ADAMTS20: variants seen among roughly 807,000 people sequenced by gnomAD.
ADAMTS20 encodes the protein A disintegrin and metalloproteinase with thrombospondin motifs 20.
Under a neutral mutation model 260.1 loss-of-function variants are expected in ADAMTS20, and 225 were observed. That is an observed-to-expected ratio of 0.87 (90% CI 0.78 to 0.97). The LOEUF (loss-of-function observed/expected upper bound fraction) is 0.97, where lower values mean the gene tolerates loss of function less well. Ranked by LOEUF, ADAMTS20 falls within the 50% of genes least tolerant of loss-of-function variation. The pLI, the probability that ADAMTS20 is intolerant of heterozygous loss-of-function variation, is 0.00. For synonymous variants in ADAMTS20, 802 were observed against 769.5 expected (o/e 1.04, Z -0.70); for missense variants, 2,400 against 2,337.7 (o/e 1.03, Z -0.55).
intron 3 of ADAMTS20, among the ~76,000 whole-genome samples, chr12:43,528,738 T>C (rs980988044): frequency 2.5e-4 from 38 of 152,100 alleles, no homozygotes; most frequent in Non-Finnish European, 1.9e-4. Flanking sequence ...CTTCTGGACA[T>C]TGGCCTAGGC....
At chr12:43,429,575 A>G (rs2137303306) in intron 24 of ADAMTS20, 42 bp downstream of exon 24, 1 of 1,381,896 alleles carries the variant, frequency 7.2e-7, no homozygotes, top group Admixed American at 2.3e-5. Flanking sequence ...TCTAAAAGCT[A>G]CCATAATAGA....
chr12:43,543,403 A>T (rs73087897), intron 2 of ADAMTS20, among the ~76,000 whole-genome samples: 18,315 of 152,254 alleles, frequency 0.12, 1,453 homozygotes, highest in East Asian at 0.3. Context: ...AAAACTGCTA[A>T]ATATCAGTGA....
At chr12:43,387,465 G>A (rs996234626) in intron 29 of ADAMTS20, among the ~76,000 whole-genome samples, 1 of 152,222 alleles carries the variant, frequency 6.6e-6, no homozygotes, top group African/African-American at 2.4e-5. Flanking sequence ...GAGGCACAGA[G>A]CTCAGGGATC....
At chr12:43,525,912 C>T (rs1478129202) in intron 3 of ADAMTS20, among the ~76,000 whole-genome samples, 1 of 152,088 alleles carries the variant, frequency 6.6e-6, no homozygotes, top group African/African-American at 2.4e-5. Context: ...ATGAGATAGA[C>T]AGCAACGTAA....
In ADAMTS20 at chr12:43,532,194, G is replaced by T. The variant is rs141043529; in HGVS notation, c.455C>A (p.Thr152Lys). The T allele has an allele frequency of 1.3e-6, 2 of 1,588,574 alleles. No individual in the cohort carries two copies. The change falls in exon 3 of 39, where the codon ACG becomes AAG. Residue 152 changes from threonine (T) to lysine (K), a missense_variant and splice_region_variant. By Grantham distance (78) the Thr-to-Lys change is moderately conservative (BLOSUM62 -1). Coordinates refer to ENST00000389420, the MANE Select transcript of ADAMTS20 (RefSeq NM_025003.5). ...KAVVSLCGGLTGTFKGQNGEY... is the reference protein window; with the variant it reads ...KAVVSLCGGLKGTFKGQNGEY... The stretch of plus-strand genomic sequence containing the variant: ...ACCGTTCTGTCCTTTAAATGTTCCC[G>T]TCTGAAAATAAAGGAAACAAAAATG...
intron 2 of ADAMTS20, among the ~76,000 whole-genome samples, chr12:43,538,974 A>G (rs1384363748): frequency 2.0e-5 from 2 of 101,688 alleles, no homozygotes; most frequent in African/African-American, 9.6e-5. Flanking sequence ...TTTTTTTGAG[A>G]TGGAGTCTCA....
rs1401123406 is a variant in ADAMTS20 at position 43,464,522 on chromosome 12, T to G, written c.1509+69A>C. On this transcript the variant is annotated intron_variant, in intron 10 of 38. Transcript: ENST00000389420. Reference sequence around the variant, plus strand: ...TATTTAGTTCAAGAGAATAAACACATTTTGAAATATATTCTAAGATAACTT... The same window carrying G: ...TATTTAGTTCAAGAGAATAAACACAGTTTGAAATATATTCTAAGATAACTT... 3.3e-6 allele frequency: 5 copies of G among 1,534,566 alleles called. No individual in the cohort carries two copies. In the African/African-American group the frequency reaches 6.9e-5, roughly 21 times the overall value.
At chr12:43,512,076 T>C (rs1273043470) in intron 3 of ADAMTS20, among the ~76,000 whole-genome samples, 2 of 151,894 alleles carry the variant, frequency 1.3e-5, no homozygotes, top group African/African-American at 4.8e-5. Flanking sequence ...TACTGAGTGC[T>C]TATTACATAT....
intron 15 of ADAMTS20, 86 bp from the exon 16 acceptor site, chr12:43,443,969 T>C: frequency 9.9e-7 from 1 of 1,013,012 alleles, no homozygotes; most frequent in Non-Finnish European, 1.5e-6. Flanking sequence ...AAAATTCGAA[T>C]AGCATAGTCA....
At chr12:43,452,449 AAT>A (rs1184278046) in intron 13 of ADAMTS20, 39 bp from the exon 14 acceptor site, 9 of 1,607,792 alleles carry the variant, frequency 5.6e-6, no homozygotes, top group Non-Finnish European at 7.6e-6. Flanking sequence ...AATGTATAAT[AAT>A]AAAGCTATGT....
intron 29 of ADAMTS20, among the ~76,000 whole-genome samples, chr12:43,387,665 T>C (rs913478216): frequency 7.9e-5 from 12 of 152,210 alleles, no homozygotes; most frequent in Admixed American, 6.5e-4. Context: ...GGCTGCTATC[T>C]TTCTTTCAGA....
At chr12:43,362,732 T>C (rs1311348044) in intron 37 of ADAMTS20, among the ~76,000 whole-genome samples, 1 of 151,740 alleles carries the variant, frequency 6.6e-6, no homozygotes, top group Non-Finnish European at 1.5e-5. Context: ...ATCAAGAAGA[T>C]TTTCTTCTTG....
chr12:43,484,080 A>G (rs1380003594), intron 7 of ADAMTS20, among the ~76,000 whole-genome samples: 2 of 152,182 alleles, frequency 1.3e-5, no homozygotes, highest in Non-Finnish European at 2.9e-5. Flanking sequence ...TACTGAGTCC[A>G]CCACTGAAAG....
intron 38 of ADAMTS20, among the ~76,000 whole-genome samples, chr12:43,356,092 C>A (rs571327644): frequency 4.1e-4 from 62 of 152,240 alleles, no homozygotes; most frequent in African/African-American, 1.3e-3. Flanking sequence ...ATTTAACCCT[C>A]ATTTTGAAAT....
In ADAMTS20 at chr12:43,443,833, G is replaced by T. The variant is rs748211259; in HGVS notation, c.2248C>A (p.Arg750Ser). ...IPAGATNVDI[R>S]QYSYSGQPDD... Reference sequence around the variant, plus strand: ...GGTTGTCCAGAATAGCTGTACTGACGAATGTCAACGTTTGTTGCTCCTGCG... The same window carrying T: ...GGTTGTCCAGAATAGCTGTACTGACTAATGTCAACGTTTGTTGCTCCTGCG... Residue 750 changes from arginine to serine, a missense_variant, in exon 16 of 39, where the codon CGT becomes AGT. By Grantham distance (110) the Arg-to-Ser change is moderately radical. Coordinates refer to ENST00000389420, the MANE Select transcript of ADAMTS20 (RefSeq NM_025003.5). 4 of 1,613,076 alleles carry T rather than the reference G, an allele frequency of 2.5e-6. No individual in the cohort carries two copies. Among genetic ancestry groups the T allele is most frequent in the Non-Finnish European group, 3.4e-6 (4 of 1,179,368 alleles).
chr12:43,393,532 G>A (rs1160902161), intron 29 of ADAMTS20, among the ~76,000 whole-genome samples: 1 of 151,992 alleles, frequency 6.6e-6, no homozygotes, highest in African/African-American at 2.4e-5. Flanking sequence ...GCAGAGATAA[G>A]GAAATATTAG....
At chr12:43,410,119 A>C (rs145514315) in intron 28 of ADAMTS20, among the ~76,000 whole-genome samples, 8 of 152,110 alleles carry the variant, frequency 5.3e-5, no homozygotes, top group South Asian at 2.1e-4. Flanking sequence ...TTTCATTTTT[A>C]AGGAAGGTAC....
chr12:43,399,153 T>C lies in ADAMTS20; in HGVS notation c.4365A>G (p.Thr1455=). The stretch of plus-strand genomic sequence containing the variant: ...GAGGTTTCTGTACTTGACTGCAATT[T>C]GTGTCTTCTAATTTCCTTTGGAATT... ...IDQFQRKLED[T]NCSQVQKPPT... is the part of the protein sequence containing the mutation. The change falls in exon 29 of 39, where the codon ACA becomes ACG. Residue 1455 remains threonine, a synonymous_variant. Coordinates refer to ENST00000389420, the MANE Select transcript of ADAMTS20 (RefSeq NM_025003.5). 1 of 1,565,364 alleles carries C rather than the reference T, an allele frequency of 6.4e-7. No individual in the cohort carries two copies. Among genetic ancestry groups the C allele is most frequent in the Non-Finnish European group, 8.7e-7 (1 of 1,153,272 alleles).
intron 11 of ADAMTS20, among the ~76,000 whole-genome samples, chr12:43,461,472 A>G (rs560868237): frequency 1.3e-5 from 2 of 152,232 alleles, no homozygotes; most frequent in Non-Finnish European, 1.5e-5. Context: ...ATATTAATAA[A>G]TTAGCTATAA....
Sources: gnomAD v4.1 joint callset for allele counts (sites outside exome capture counted in the v4.1 genomes callset) on GRCh38, gnomAD v4.1.1 for gene constraint, MANE v1.5 for transcripts, NCBI Gene and HGNC (gene_info 2026-07-23, HGNC 2026-07-21) for gene names.